RCHY1: variants seen among roughly 807,000 people sequenced by gnomAD.
RCHY1 encodes the protein ring finger and CHY zinc finger domain containing 1.
In RCHY1, 21 loss-of-function variants were observed where a neutral mutation model predicts 41.6. That is an observed-to-expected ratio of 0.51 (90% CI 0.36 to 0.73). The LOEUF (loss-of-function observed/expected upper bound fraction) is 0.73. Among genes scored for constraint, RCHY1 ranks in the 30% least tolerant of loss-of-function variants. The probability of loss-of-function intolerance (pLI) is 0.00; values close to 1 mark genes in which losing one functional copy is unlikely to be tolerated. For synonymous variants in RCHY1, 79 were observed against 102.9 expected (o/e 0.77, Z 1.41); for missense variants, 265 against 325.3 (o/e 0.81, Z 1.43).
At chr4:75,489,585 G>A (rs1722564595) in intron 8 of RCHY1, among the ~76,000 whole-genome samples, 1 of 138,932 alleles carries the variant, frequency 7.2e-6, no homozygotes, top group Non-Finnish European at 1.6e-5. Context: ...TCCCCTTGGA[G>A]TGGAAAACGT....
At chr4:75,482,799 G>T in intron 8 of RCHY1, 133 bp from the exon 9 acceptor site, 1 of 552,464 alleles carries the variant, frequency 1.8e-6, no homozygotes. Context: ...TCCAAAAGTA[G>T]AAATTTCTTC....
At position 75,482,415 on chromosome 4, in the gene RCHY1, T is replaced by C. The variant is rs1268166323; in HGVS notation, c.*123A>G. ...ACGTACTTGTAATATGATTTTATGC[T>C]GTGACACTAGTACAAAACACATCAA... On this transcript the variant is annotated 3_prime_UTR_variant, in exon 9 of 9. Transcript: ENST00000324439. 2 of 788,246 alleles carry C rather than the reference T, an allele frequency of 2.5e-6. No individual in the cohort carries two copies. The highest frequency in any genetic ancestry group is 3.7e-6 in the Non-Finnish European group (2 of 538,356). The allele number at this position is 788,246 out of a possible 1,614,324, so 48.8% of individuals were successfully genotyped here. A position where few individuals can be genotyped will look rare whatever the true frequency, so the allele number is the denominator to read the frequency against.
At chr4:75,511,397 T>C (rs745471647) in intron 1 of RCHY1, among the ~76,000 whole-genome samples, 4 of 152,238 alleles carry the variant, frequency 2.6e-5, no homozygotes, top group Non-Finnish European at 5.9e-5. Context: ...CATTTTCATT[T>C]GTAGTGAGTC....
At chr4:75,490,906 T>C (rs1486470162) in intron 7 of RCHY1, 3 of 418,020 alleles carry the variant, frequency 7.2e-6, no homozygotes, top group Non-Finnish European at 1.3e-5. Context: ...AACTAAGTCT[T>C]TTTCCTCAGT....
chr4:75,507,768 G>A (rs1724469144), intron 3 of RCHY1, among the ~76,000 whole-genome samples: 1 of 151,988 alleles, frequency 6.6e-6, no homozygotes, highest in South Asian at 2.1e-4. Flanking sequence ...AATCATACAG[G>A]AAAATGTAAT....
chr4:75,495,564 C>A (rs1373340408), intron 3 of RCHY1, among the ~76,000 whole-genome samples: 1 of 151,976 alleles, frequency 6.6e-6, no homozygotes, highest in Non-Finnish European at 1.5e-5. Flanking sequence ...TTCCCTTCAC[C>A]TAACTAGCCT....
intron 1 of RCHY1, among the ~76,000 whole-genome samples, chr4:75,513,680 T>C (rs1292581367): frequency 6.6e-6 from 1 of 152,226 alleles, no homozygotes; most frequent in African/African-American, 2.4e-5. Context: ...ATGCATAATT[T>C]CCTATTTAAT....
intron 1 of RCHY1, among the ~76,000 whole-genome samples, chr4:75,511,859 G>A (rs1724913722): frequency 6.6e-6 from 1 of 151,670 alleles, no homozygotes. Context: ...AGTAGTTTTG[G>A]CCTTGCAGAG....
chr4:75,502,012 C>T (rs561865355), intron 3 of RCHY1, among the ~76,000 whole-genome samples: 149 of 151,620 alleles, frequency 9.8e-4, no homozygotes, highest in East Asian at 2.1e-3. Context: ...GCAGAGGTTG[C>T]GGTGAGCCAA....
intron 8 of RCHY1, among the ~76,000 whole-genome samples, chr4:75,485,157 C>G (rs1024761534): frequency 6.6e-6 from 1 of 152,180 alleles, no homozygotes; most frequent in Non-Finnish European, 1.5e-5. Flanking sequence ...TTTTTCAGAT[C>G]TATCCATACT....
upstream of RCHY1, chr4:75,514,630 A>C (rs891276183): frequency 9.0e-6 from 2 of 221,480 alleles, no homozygotes; most frequent in African/African-American, 4.5e-5. Context: ...GGTTGGCCCC[A>C]GAGGAAAGGA....
intron 1 of RCHY1, among the ~76,000 whole-genome samples, chr4:75,511,375 A>G (rs1578243587): frequency 6.6e-6 from 1 of 152,232 alleles, no homozygotes; most frequent in East Asian, 1.9e-4. Flanking sequence ...TATCACTGGC[A>G]ACAAATACTG....
chr4:75,502,943 T>C (rs932174862), intron 3 of RCHY1, among the ~76,000 whole-genome samples: 2 of 151,830 alleles, frequency 1.3e-5, no homozygotes, highest in Admixed American at 6.5e-5. Context: ...TTGAACACAG[T>C]TGAGAAATCA....
rs1232105847 is a variant in RCHY1 at position 75,480,982 on chromosome 4, C to T, written c.*1556G>A. ...CTCTAGCCTAAATGACAGAGCAAAACCACTTCAAAAAAAAGTATTAGATCT... is the reference window on the plus strand; with the variant it reads ...CTCTAGCCTAAATGACAGAGCAAAATCACTTCAAAAAAAAGTATTAGATCT... On this transcript the variant is annotated 3_prime_UTR_variant, in exon 9 of 9. Coordinates refer to ENST00000324439, the MANE Select transcript of RCHY1 (RefSeq NM_015436.4). 2 of 152,148 alleles carry T rather than the reference C, an allele frequency of 1.3e-5. No individual in the cohort carries two copies. Among genetic ancestry groups the T allele is most frequent in the African/African-American group, 2.4e-5 (1 of 41,426 alleles). 9.4% of individuals were successfully genotyped at this position (152,148 alleles called of 1,614,324 possible).
At chr4:75,507,181 G>A (rs188208067) in intron 3 of RCHY1, among the ~76,000 whole-genome samples, 111 of 151,868 alleles carry the variant, frequency 7.3e-4, no homozygotes, top group Non-Finnish European at 1.3e-3. Context: ...GATAATGCTG[G>A]AGACCTACAG....
rs190603309 is a variant in RCHY1 at position 75,480,007 on chromosome 4, A to C, written c.*2531T>G. ...AGAGAAAGAAAAAATATTTAAGGGTAAAGTTATGTATTTTAAGTTTTGCAT... is the reference window on the plus strand; with the variant it reads ...AGAGAAAGAAAAAATATTTAAGGGTCAAGTTATGTATTTTAAGTTTTGCAT... On this transcript the variant is annotated 3_prime_UTR_variant, in exon 9 of 9. Transcript: ENST00000324439. 20 of 152,314 alleles carry C rather than the reference A, an allele frequency of 1.3e-4. No individual in the cohort carries two copies. Among genetic ancestry groups the C allele is most frequent in the Admixed American group, 8.5e-4 (13 of 15,296 alleles). The allele number at this position is 152,314 out of a possible 1,614,324, so 9.4% of individuals were successfully genotyped here. A position where few individuals can be genotyped will look rare whatever the true frequency, so the allele number is the denominator to read the frequency against.
chr4:75,490,943 A>C, intron 7 of RCHY1: 1 of 331,532 alleles, frequency 3.0e-6, no homozygotes, highest in Non-Finnish European at 5.4e-6. Context: ...GAATTAGTCC[A>C]TATTCTTTGT....
Position 75,514,340 on chromosome 4 carries a change from G to A in RCHY1, c.-54C>T. ...ATCCTTCCCCCAGGATAAAAACCAC[G>A]CCCAGAGAAGCTGCGCCTCTCTAGC... On this transcript the variant is annotated 5_prime_UTR_variant, in exon 1 of 9. Transcript: ENST00000324439. The A allele has an allele frequency of 7.0e-6, 11 of 1,567,530 alleles. No homozygotes were observed. In the South Asian group the frequency reaches 1.1e-4, roughly 16 times the overall value.
chr4:75,487,107 G>T (rs897522572), intron 8 of RCHY1, among the ~76,000 whole-genome samples: 2 of 152,052 alleles, frequency 1.3e-5, no homozygotes, highest in Admixed American at 6.6e-5. Flanking sequence ...GAATATAAAA[G>T]ATTTATGGAA....
Sources: allele counts gnomAD v4.1 joint callset (sites outside exome capture counted in the v4.1 genomes callset), GRCh38; gene constraint gnomAD v4.1.1; transcripts MANE v1.5; gene names NCBI Gene and HGNC (gene_info 2026-07-23, HGNC 2026-07-21).